Variants in ANXA8 observed in about 807,000 individuals in gnomAD.
ANXA8 encodes VAC-beta.
Under a neutral mutation model 26.8 loss-of-function variants are expected in ANXA8, and 9 were observed. The ratio of observed to expected loss-of-function variants is 0.34; its 90% CI spans 0.20 to 0.59. The LOEUF (loss-of-function observed/expected upper bound fraction) is 0.59, where lower values mean the gene tolerates loss of function less well. Ranked by LOEUF, ANXA8 falls within the 20% of genes least tolerant of loss-of-function variation. The pLI, the probability that ANXA8 is intolerant of heterozygous loss-of-function variation, is 0.84. For synonymous variants in ANXA8, 39 were observed against 94.8 expected (o/e 0.41, Z 3.42); for missense variants, 83 against 238.5 (o/e 0.35, Z 4.29).
chr10:47,769,871 A>C, the ANXA8 span, among the ~76,000 whole-genome samples: 1 of 151,372 alleles, frequency 6.6e-6, no homozygotes, highest in Non-Finnish European at 1.5e-5. Flanking sequence ...TGGGTAATTT[A>C]TAAAGAAAAG....
At chr10:47,631,677 A>T in the ANXA8 span, among the ~76,000 whole-genome samples, 6 of 150,458 alleles carry the variant, frequency 4.0e-5, no homozygotes, top group African/African-American at 7.5e-5. Flanking sequence ...TATTTTTTTT[A>T]AATAAATAAT....
the ANXA8 span, among the ~76,000 whole-genome samples, chr10:47,976,691 G>C: frequency 6.7e-6 from 1 of 149,002 alleles, no homozygotes; most frequent in Non-Finnish European, 1.5e-5. Flanking sequence ...GTTACTATTT[G>C]ATCTGTCTGA....
At chr10:47,682,497 T>A in the ANXA8 span, among the ~76,000 whole-genome samples, 2 of 142,756 alleles carry the variant, frequency 1.4e-5, no homozygotes, top group African/African-American at 5.4e-5. Context: ...TGTGACGGAG[T>A]CTCGCTCTGT....
chr10:47,700,403 A>G, the ANXA8 span, among the ~76,000 whole-genome samples: 3 of 151,976 alleles, frequency 2.0e-5, no homozygotes, highest in Non-Finnish European at 2.9e-5. Flanking sequence ...TCAGTGAGAT[A>G]AAAGCTAACT....
chr10:47,573,589 T>C, the ANXA8 span, among the ~76,000 whole-genome samples: 2 of 129,122 alleles, frequency 1.5e-5, no homozygotes, highest in Admixed American at 8.2e-5. Flanking sequence ...AGCAGAGGTA[T>C]GTCACTAAAG....
At chr10:47,594,085 C>G in the ANXA8 span, among the ~76,000 whole-genome samples, 112 of 148,390 alleles carry the variant, frequency 7.5e-4, 2 homozygotes, top group Non-Finnish European at 1.2e-3. Flanking sequence ...GAAGGCTGCA[C>G]TGTCAGCTTC....
At chr10:47,980,977 C>T in the ANXA8 span, among the ~76,000 whole-genome samples, 1 of 150,914 alleles carries the variant, frequency 6.6e-6, no homozygotes, top group Non-Finnish European at 1.5e-5. Context: ...TGTCATTATT[C>T]TCATGATACC....
At chr10:47,654,173 GTTGTCATGGGTTAAAACGTTCAGA>G in the ANXA8 span, among the ~76,000 whole-genome samples, 5 of 150,918 alleles carry the variant, frequency 3.3e-5, no homozygotes, top group East Asian at 5.9e-4. Context: ...AGTGTAGTGG[GTTGTCATGGGTTAAAACGTTCAGA>G]TTGTCATGGG....
At chr10:47,907,765 C>CAA in the ANXA8 span, among the ~76,000 whole-genome samples, 11 of 27,148 alleles carry the variant, frequency 4.1e-4, 1 homozygote, top group Admixed American at 7.0e-4. Flanking sequence ...GAGACTGTCT[C>CAA]AAAAAAAAAA....
At chr10:47,681,523 CTTTTTT>C in the ANXA8 span, among the ~76,000 whole-genome samples, 48 of 81,278 alleles carry the variant, frequency 5.9e-4, no homozygotes, top group Non-Finnish European at 9.4e-4. Flanking sequence ...TTTATTTTTA[CTTTTTT>C]TTTTTTTTTT....
chr10:47,556,070 C>T, the ANXA8 span, among the ~76,000 whole-genome samples: 105 of 151,838 alleles, frequency 6.9e-4, 5 homozygotes, highest in African/African-American at 2.4e-3. Context: ...GCCTGAGAGA[C>T]TGGTAGAAAA....
At chr10:47,664,570 A>AAATAATAATAAT in the ANXA8 span, among the ~76,000 whole-genome samples, 12 of 137,848 alleles carry the variant, frequency 8.7e-5, no homozygotes, top group African/African-American at 2.6e-4. Context: ...CTCTGTCTCA[A>AAATAATAATAAT]AATAATAATA....
chr10:47,654,117 C>T, the ANXA8 span, among the ~76,000 whole-genome samples: 1 of 151,866 alleles, frequency 6.6e-6, no homozygotes, highest in South Asian at 2.1e-4. Flanking sequence ...ATAAGCACGT[C>T]CATTTTAACA....
chr10:47,626,938 A>G, the ANXA8 span, among the ~76,000 whole-genome samples: 1 of 149,692 alleles, frequency 6.7e-6, no homozygotes, highest in Non-Finnish European at 1.5e-5. Flanking sequence ...ATGTTTTAGA[A>G]TAGAATAACG....
At chr10:47,717,318 G>A in the ANXA8 span, among the ~76,000 whole-genome samples, 1 of 38,984 alleles carries the variant, frequency 2.6e-5, no homozygotes, top group African/African-American at 1.5e-4. Context: ...AGCTATGAGG[G>A]CTGAATTCAT....
chr10:47,606,662 A>G, the ANXA8 span, among the ~76,000 whole-genome samples: 1 of 148,714 alleles, frequency 6.7e-6, no homozygotes, highest in East Asian at 2.0e-4. Flanking sequence ...AATGATGAGA[A>G]CACACGGACA....
the ANXA8 span, chr10:47,715,587 C>T: frequency 6.5e-7 from 1 of 1,536,990 alleles, no homozygotes; most frequent in Non-Finnish European, 8.8e-7. Flanking sequence ...TCTATTTAAT[C>T]TGATACTAAG....
chr10:47,983,107 G>A, the ANXA8 span, among the ~76,000 whole-genome samples: 1 of 49,432 alleles, frequency 2.0e-5, no homozygotes, highest in East Asian at 2.8e-4. Flanking sequence ...TGAAGATGCA[G>A]AGAAATTGAA....
the ANXA8 span, among the ~76,000 whole-genome samples, chr10:47,533,225 C>CACACACACACACACACACA: frequency 1.0e-4 from 10 of 98,544 alleles, no homozygotes; most frequent in Admixed American, 6.1e-4. Context: ...ACACACACAC[C>CACACACACACACACACACA]CCCGCAGACA....
Sources: gnomAD v4.1 joint callset for allele counts (sites outside exome capture counted in the v4.1 genomes callset) on GRCh38, gnomAD v4.1.1 for gene constraint, MANE v1.5 for transcripts, NCBI Gene and HGNC (gene_info 2026-07-23, HGNC 2026-07-21) for gene names.